The following DCHS2 variants were observed in gnomAD, a reference collection of about 807,000 sequenced individuals.
The protein encoded by DCHS2 is dachsous cadherin-related 2, also known as protocadherin-23.
In DCHS2, 142 loss-of-function variants were observed where a neutral mutation model predicts 182.4. The observed-to-expected ratio is 0.78, with a 90% CI of 0.68 to 0.89. DCHS2 has a LOEUF of 0.89. DCHS2 is among the 40% of genes least tolerant of loss of function. The probability of loss-of-function intolerance (pLI) is 0.00; values close to 1 mark genes in which losing one functional copy is unlikely to be tolerated. For missense variants in DCHS2, 4,319 were observed against 4,198.6 expected, an observed-to-expected ratio of 1.03 and a Z score of -0.79; for synonymous variants, 1,740 against 1,663.3, an observed-to-expected ratio of 1.05 and a Z score of -1.12.
intron 1 of DCHS2, among the ~76,000 whole-genome samples, chr4:154,397,266 T>C (rs1731970726): frequency 1.3e-5 from 2 of 152,214 alleles, no homozygotes. Context: ...CAAAATCTAT[T>C]TCATTCACAC....
At chr4:154,276,217 G>A (rs1206779843) in intron 13 of DCHS2, among the ~76,000 whole-genome samples, 11 of 152,090 alleles carry the variant, frequency 7.2e-5, no homozygotes, top group African/African-American at 2.4e-4. Flanking sequence ...CCTGCAACTC[G>A]AATGAGTTAA....
At position 154,305,197 on chromosome 4, in the gene DCHS2, T is replaced by A; in HGVS notation, c.5295A>T (p.Pro1765=). Residue 1765 remains proline (P), a synonymous_variant, in exon 11 of 20, where the codon CCA becomes CCT. Transcript: ENST00000357232. ...VNSKLQFEIM[P]GASFELFEIN... ...TCTCGAATAATTCAAATGAAGCACC[T>A]GGCATGATTTCAAACTGAAGCTTGG... is the stretch of plus-strand genomic sequence containing the variant. The A allele has an allele frequency of 6.2e-7, 1 of 1,612,582 alleles. No homozygotes were observed. Among genetic ancestry groups the A allele is most frequent in the Non-Finnish European group, 8.5e-7 (1 of 1,179,402 alleles).
intron 17 of DCHS2, among the ~76,000 whole-genome samples, chr4:154,241,819 T>A (rs1731839993): frequency 6.6e-6 from 1 of 152,192 alleles, no homozygotes; most frequent in Admixed American, 6.5e-5. Flanking sequence ...CTGGAGAATT[T>A]ATTTTATTTG....
chr4:154,357,189 C>A (rs933325949), intron 3 of DCHS2: 1 of 1,481,560 alleles, frequency 6.7e-7, no homozygotes, highest in Non-Finnish European at 9.4e-7. Flanking sequence ...GCTTCTGACT[C>A]TGGCTTTTTT....
intron 1 of DCHS2, among the ~76,000 whole-genome samples, chr4:154,454,836 C>T (rs1734698772): frequency 6.6e-6 from 1 of 152,172 alleles, no homozygotes; most frequent in African/African-American, 2.4e-5. Flanking sequence ...AAAACTGTCC[C>T]ACAGAGCTAA....
chr4:154,350,701 C>T (rs1213557301), intron 3 of DCHS2, among the ~76,000 whole-genome samples: 1 of 151,812 alleles, frequency 6.6e-6, no homozygotes, highest in East Asian at 1.9e-4. Flanking sequence ...TTTTAGGCAA[C>T]ACTTACCATC....
chr4:154,240,505 C>G (rs1177765187), intron 18 of DCHS2, 32 bp downstream of exon 18: 5 of 1,600,036 alleles, frequency 3.1e-6, no homozygotes, highest in Middle Eastern at 1.7e-4. Flanking sequence ...CTAGTTTTGG[C>G]TTTGGTTTCG....
intron 13 of DCHS2, among the ~76,000 whole-genome samples, chr4:154,293,188 G>A (rs890177518): frequency 6.9e-6 from 1 of 145,830 alleles, no homozygotes; most frequent in African/African-American, 2.6e-5. Flanking sequence ...GAAAGGGGTG[G>A]ATATCCAGGT....
intron 13 of DCHS2, among the ~76,000 whole-genome samples, chr4:154,287,378 C>T (rs1273768365): frequency 6.6e-6 from 1 of 152,000 alleles, no homozygotes; most frequent in Non-Finnish European, 1.5e-5. Flanking sequence ...ATGAACCAAC[C>T]AAAAATAATA....
chr4:154,392,404 C>T (rs1445192684), intron 1 of DCHS2, among the ~76,000 whole-genome samples: 1 of 152,094 alleles, frequency 6.6e-6, no homozygotes, highest in Non-Finnish European at 1.5e-5. Flanking sequence ...GCACTCTAAA[C>T]TCAAGGGAAA....
At chr4:154,246,672 G>A (rs931329409) in intron 16 of DCHS2, among the ~76,000 whole-genome samples, 23 of 152,024 alleles carry the variant, frequency 1.5e-4, no homozygotes, top group Admixed American at 1.1e-3. Flanking sequence ...GACAACATGT[G>A]CATAAAACAA....
chr4:154,262,794 A>T (rs1240058188), intron 14 of DCHS2, among the ~76,000 whole-genome samples: 1 of 152,246 alleles, frequency 6.6e-6, no homozygotes, highest in African/African-American at 2.4e-5. Context: ...TCTTTGAAAC[A>T]TTGAAAGTTT....
intron 1 of DCHS2, among the ~76,000 whole-genome samples, chr4:154,453,194 C>A (rs1307664866): frequency 6.6e-6 from 1 of 151,874 alleles, no homozygotes; most frequent in African/African-American, 2.4e-5. Context: ...GAAGCACTGT[C>A]TTTCCTATTT....
chr4:154,394,299 T>C (rs1731841139), intron 1 of DCHS2, among the ~76,000 whole-genome samples: 1 of 152,164 alleles, frequency 6.6e-6, no homozygotes, highest in East Asian at 1.9e-4. Flanking sequence ...AGAATTGAAA[T>C]GTCAAGGTCA....
chr4:154,382,214 G>C (rs1337304711), intron 1 of DCHS2, among the ~76,000 whole-genome samples: 1 of 152,068 alleles, frequency 6.6e-6, no homozygotes, highest in Admixed American at 6.6e-5. Flanking sequence ...TGCTGGGGTA[G>C]CTGGCTAGCC....
chr4:154,426,786 T>TAAAAATAAAAAAAAAAA (rs372748862), intron 1 of DCHS2, among the ~76,000 whole-genome samples: 3 of 147,924 alleles, frequency 2.0e-5, no homozygotes, highest in African/African-American at 4.9e-5. Context: ...AAAAATAAAC[T>TAAAAATAAAAAAAAAAA]TAAAAATAAA....
rs765418307 is a variant in DCHS2 at position 154,332,938 on chromosome 4, T to G, written c.3270A>C (p.Gln1090His). Residue 1090 changes from glutamine to histidine, a missense_variant, in exon 5 of 20, where the codon CAA (glutamine) becomes CAC (histidine). Physicochemically the swap from Gln to His is conservative, Grantham distance 24. Transcript: ENST00000357232. ...PSWTFEHLVY[Q>H]VEVSESLSPM... ...GTGAGAGAGACTCACTGACTTCCAC[T>G]TGATAGACCAAATGTTCGAAAGTCC... 3 of 1,614,108 alleles carry G rather than the reference T, an allele frequency of 1.9e-6. No individual in the cohort carries two copies. In the African/African-American group the frequency reaches 4.0e-5, roughly 22 times the overall value.
Position 154,234,471 on chromosome 4 carries a change from C to T in DCHS2, c.*65G>A. The stretch of plus-strand genomic sequence containing the variant: ...AATGAGCCCAATCTCGAGTTGCTGG[C>T]TTGAAAACATTTTGTTCATTCATTC... On this transcript the variant is annotated 3_prime_UTR_variant, in exon 20 of 20. Coordinates refer to ENST00000357232, the MANE Select transcript of DCHS2 (RefSeq NM_001358235.2). The T allele has an allele frequency of 6.9e-7, 1 of 1,452,962 alleles. No homozygotes were observed. The highest frequency in any genetic ancestry group is 9.1e-7 in the Non-Finnish European group (1 of 1,099,998). The allele number at this position is 1,452,962 out of a possible 1,614,324, so 90.0% of individuals were successfully genotyped here.
chr4:154,255,726 T>G, intron 15 of DCHS2, 56 bp from the exon 16 acceptor site: 1 of 1,529,104 alleles, frequency 6.5e-7, no homozygotes, highest in Non-Finnish European at 8.8e-7. Flanking sequence ...ATGGGTTCAG[T>G]CTGTTTTTCA....
Sources: allele counts gnomAD v4.1 joint callset (sites outside exome capture counted in the v4.1 genomes callset), GRCh38; gene constraint gnomAD v4.1.1; transcripts MANE v1.5; gene names NCBI Gene and HGNC (gene_info 2026-07-23, HGNC 2026-07-21).